The following SLC22A14 variants were observed in gnomAD, a reference collection of about 807,000 sequenced individuals.
SLC22A14 encodes the protein solute carrier family 22 member 14, also known as organic cation transporter-like 4.
Under a neutral mutation model 53.9 loss-of-function variants are expected in SLC22A14, and 50 were observed. The ratio of observed to expected loss-of-function variants is 0.93; its 90% confidence interval spans 0.74 to 1.17. The LOEUF (loss-of-function observed/expected upper bound fraction) is 1.17. SLC22A14 is among the 50% of genes most tolerant of loss of function. SLC22A14 has a pLI of 0.00. For synonymous variants in SLC22A14, 312 were observed against 303.0 expected (o/e 1.03, Z -0.31); for missense variants, 671 against 734.7 (o/e 0.91, Z 1.00).
intron 4 of SLC22A14, chr3:38,308,129 A>AAC (rs55767048): frequency 1.9e-5 from 3 of 161,878 alleles, no homozygotes; most frequent in Admixed American, 6.3e-5. Flanking sequence ...AGAAAAAACA[A>AAC]CAAAAAACAG....
intron 1 of SLC22A14, chr3:38,305,378 C>G (rs1211480579): frequency 6.6e-6 from 1 of 152,410 alleles, no homozygotes; most frequent in African/African-American, 2.4e-5. Flanking sequence ...TGCCCCGCAC[C>G]AGGAACTGTT....
In SLC22A14 at chr3:38,307,837, C is replaced by T. The variant is rs182743293; in HGVS notation, c.775+117C>T. ...GCGGCATAGGCAGATGGCAAGGGGGCGTGGTGTAGCTGTAAGAGGGCATGG... is the reference window on the plus strand; with the variant it reads ...GCGGCATAGGCAGATGGCAAGGGGGTGTGGTGTAGCTGTAAGAGGGCATGG... On this transcript the variant is annotated intron_variant, in intron 4 of 10. Transcript: ENST00000448498. This position sits in a 1 kb window ranked among gnomAD's most constrained non-coding sequence, Gnocchi z 4.4. 520 of 1,126,206 alleles carry T rather than the reference C, an allele frequency of 4.6e-4. 3 individuals are homozygous for T. The African/African-American group carries it at 6.5e-3, about 14-fold the overall frequency. The allele number at this position is 1,126,206 out of a possible 1,614,324, so 69.8% of individuals were successfully genotyped here.
At chr3:38,282,515 G>A (rs767915094) in intron 1 of SLC22A14, among the ~76,000 whole-genome samples, 176 bp downstream of exon 1, 4 of 152,296 alleles carry the variant, frequency 2.6e-5, no homozygotes, top group East Asian at 1.9e-4. Context: ...GGAGCGGGCT[G>A]CCCTCCCAGA....
Position 38,313,389 on chromosome 3 carries a change from T to G in SLC22A14, c.1067T>G (p.Leu356Arg). The G allele has an allele frequency of 6.2e-7, 1 of 1,612,144 alleles. No individual in the cohort carries two copies. The highest frequency in any genetic ancestry group is 8.5e-7 in the Non-Finnish European group (1 of 1,178,366). The change falls in exon 7 of 11, where the codon CTG (leucine) becomes CGG (arginine). Residue 356 changes from leucine to arginine, a missense_variant and splice_region_variant. Coordinates refer to ENST00000448498, the MANE Select transcript of SLC22A14 (RefSeq NM_001320033.2). ...TGACTGGTCCTGCTTGTTCTGTAGC[T>G]GCAGCTGCCCAGAAAGAAGGTGACT... ...KTIPSNLLDE[L>R]QLPRKKVTRA...
intron 8 of SLC22A14, 65 bp downstream of exon 8, chr3:38,314,006 T>G (rs1704558929): frequency 2.1e-6 from 3 of 1,440,274 alleles, no homozygotes; most frequent in South Asian, 2.3e-5. Context: ...CCCTCCCCAG[T>G]GCCGCCTGCC....
upstream of SLC22A14, among the ~76,000 whole-genome samples, chr3:38,279,471 T>A (rs1031398021): frequency 6.6e-6 from 1 of 152,144 alleles, no homozygotes; most frequent in Non-Finnish European, 1.5e-5. Flanking sequence ...TTGGTAGAGA[T>A]GGGGTTTTGC....
chr3:38,306,651 G>A, intron 2 of SLC22A14, 109 bp downstream of exon 2: 2 of 1,110,014 alleles, frequency 1.8e-6, no homozygotes. Context: ...GAAGCCATTG[G>A]CCTGAGGTCA....
intron 1 of SLC22A14, among the ~76,000 whole-genome samples, chr3:38,284,608 A>C (rs1438627226): frequency 6.6e-6 from 1 of 152,212 alleles, no homozygotes; most frequent in Non-Finnish European, 1.5e-5. Flanking sequence ...TAATCATTAC[A>C]ATATGCCTCA....
intron 1 of SLC22A14, among the ~76,000 whole-genome samples, chr3:38,296,824 C>T (rs761663394): frequency 2.0e-5 from 3 of 152,206 alleles, no homozygotes. Context: ...AATGGCAAGC[C>T]TTTAGCCTAA....
chr3:38,282,428 AT>A (rs1703690584), intron 1 of SLC22A14, 89 bp downstream of exon 1: 1 of 152,054 alleles, frequency 6.6e-6, no homozygotes, highest in Admixed American at 6.6e-5. Flanking sequence ...ACCCCTGGCA[AT>A]TTTGCGGCCG....
chr3:38,300,940 G>C (rs982362163), intron 1 of SLC22A14, among the ~76,000 whole-genome samples: 3 of 152,094 alleles, frequency 2.0e-5, no homozygotes, highest in Non-Finnish European at 2.9e-5. Context: ...CACCCAGGGC[G>C]CTAGGACTAC....
chr3:38,313,778 G>T lies in SLC22A14; in HGVS notation c.1215G>T (p.Leu405=), dbSNP rs141456336. The change falls in exon 8 of 11, where the codon CTG becomes CTT. Residue 405 remains leucine, a synonymous_variant. Transcript: ENST00000448498. ...CGTTGAGCCTGAGAATGAGAGAGCTGGGCGTGAGCGTCCACTTCAGACACG... is the reference window on the plus strand; with the variant it reads ...CGTTGAGCCTGAGAATGAGAGAGCTTGGCGTGAGCGTCCACTTCAGACACG... The part of the protein sequence containing the change: ...YFTLSLRMRE[L]GVSVHFRHVV... 1 of 1,612,276 alleles carries T rather than the reference G, an allele frequency of 6.2e-7. No individual in the cohort carries two copies. Among genetic ancestry groups the T allele is most frequent in the Non-Finnish European group, 8.5e-7 (1 of 1,179,104 alleles).
chr3:38,302,234 CA>C (rs10700097), intron 1 of SLC22A14, among the ~76,000 whole-genome samples: 270 of 103,570 alleles, frequency 2.6e-3, no homozygotes, highest in African/African-American at 8.5e-3. Flanking sequence ...GACTCTGTCT[CA>C]AAAAAAAAAA....
chr3:38,315,520 G>GGGAGGGCTGATGAGT (rs778332682), intron 8 of SLC22A14, 38 bp from the exon 9 acceptor site: 1 of 1,598,038 alleles, frequency 6.3e-7, no homozygotes, highest in East Asian at 2.2e-5. Flanking sequence ...GAGGGGTCAA[G>GGGAGGGCTGATGAGT]GGAGGGCTGA....
chr3:38,303,528 A>C (rs2125883519), intron 1 of SLC22A14, among the ~76,000 whole-genome samples: 1 of 151,920 alleles, frequency 6.6e-6, no homozygotes, highest in African/African-American at 2.4e-5. Flanking sequence ...AAACATATGG[A>C]GTTATCTCTA....
rs977227933 is a variant in SLC22A14, at chr3:38,307,118, C to G, written c.517-136C>G. On this transcript the variant is annotated intron_variant, in intron 2 of 10. Coordinates refer to ENST00000448498, the MANE Select transcript of SLC22A14 (RefSeq NM_001320033.2). This position sits in a 1 kb window ranked among gnomAD's most constrained non-coding sequence, Gnocchi z 4.4. ...TGCAGAGGTAACAGAGCAGAGGCAA[C>G]AGCTGAGGCACGCTGCACACTGTTA... The G allele has an allele frequency of 1.4e-6, 1 of 694,708 alleles. No homozygotes were observed. Among genetic ancestry groups the G allele is most frequent in the Non-Finnish European group, 2.6e-6 (1 of 377,964 alleles). 43.0% of individuals were successfully genotyped at this position (694,708 alleles called of 1,614,324 possible).
At chr3:38,313,356 C>A in intron 6 of SLC22A14, 32 bp from the exon 7 acceptor site, 1 of 1,559,436 alleles carries the variant, frequency 6.4e-7, no homozygotes, top group Non-Finnish European at 8.8e-7. Context: ...GGGTCTTGGC[C>A]CTGCCTCTGA....
intron 1 of SLC22A14, among the ~76,000 whole-genome samples, chr3:38,284,916 G>A (rs1040737925): frequency 6.6e-6 from 1 of 152,156 alleles, no homozygotes. Context: ...GCTCTTTCCG[G>A]AGGACATTAC....
At chr3:38,302,380 G>T (rs1220952582) in intron 1 of SLC22A14, among the ~76,000 whole-genome samples, 4 of 85,866 alleles carry the variant, frequency 4.7e-5, no homozygotes, top group East Asian at 2.4e-4. Context: ...TGCATTTCTG[G>T]TTAAAACTGT....
Sources: allele counts gnomAD v4.1 joint callset (sites outside exome capture counted in the v4.1 genomes callset), GRCh38; gene constraint gnomAD v4.1.1; non-coding constraint Gnocchi (gnomAD v3.1); transcripts MANE v1.5; gene names NCBI Gene and HGNC (gene_info 2026-07-23, HGNC 2026-07-21).